Variants in EIF2AK2 observed in about 807,000 individuals in gnomAD.
EIF2AK2 encodes the protein interferon-induced, double-stranded RNA-activated protein kinase.
A neutral mutation model predicts 70.5 loss-of-function variants in EIF2AK2; 40 were observed. That is an observed-to-expected ratio of 0.57 (90% CI 0.44 to 0.74). The LOEUF is 0.74. Among genes scored for constraint, EIF2AK2 ranks in the 30% least tolerant of loss-of-function variants. The pLI is 0.00. For synonymous variants in EIF2AK2, 198 were observed against 220.9 expected (o/e 0.90, Z 0.92); for missense variants, 555 against 644.3 (o/e 0.86, Z 1.50).
chr2:37,146,105 T>G (rs1675528683), intron 4 of EIF2AK2, among the ~76,000 whole-genome samples: 1 of 152,124 alleles, frequency 6.6e-6, no homozygotes, highest in Non-Finnish European at 1.5e-5. Context: ...TTTAGATATG[T>G]TTAGATACAT....
chr2:37,110,917 A>T (rs990114138), intron 14 of EIF2AK2, among the ~76,000 whole-genome samples: 1 of 152,252 alleles, frequency 6.6e-6, no homozygotes, highest in Non-Finnish European at 1.5e-5. Context: ...GTGTCCATTG[A>T]TGGATAAAAG....
rs767770189 is a variant in EIF2AK2, at chr2:37,107,197, T to C, written c.*76A>G. 7 of 1,514,310 alleles carry C rather than the reference T, an allele frequency of 4.6e-6. No homozygotes were observed. Among genetic ancestry groups the C allele is most frequent in the Middle Eastern group, 1.8e-4 (1 of 5,684 alleles). The allele number at this position is 1,514,310 out of a possible 1,614,324, so 93.8% of individuals were successfully genotyped here. On this transcript the variant is annotated 3_prime_UTR_variant, in exon 17 of 17. Transcript: ENST00000233057. The stretch of plus-strand genomic sequence containing the variant: ...CATTAAAATAAAAGGTAAATATCTA[T>C]TGATATTCCCTAGCAGATTTTAGAT...
At chr2:37,142,268 C>T (rs550037965) in intron 4 of EIF2AK2, among the ~76,000 whole-genome samples, 2 of 152,132 alleles carry the variant, frequency 1.3e-5, no homozygotes, top group Middle Eastern at 3.4e-3. Context: ...GCACCTGGAA[C>T]TACAGGCACA....
chr2:37,139,189 C>A (rs1215296288), intron 6 of EIF2AK2, among the ~76,000 whole-genome samples: 1 of 151,666 alleles, frequency 6.6e-6, no homozygotes, highest in African/African-American at 2.4e-5. Context: ...GTAGCAGGCG[C>A]TTGTAGTCCC....
chr2:37,141,530 A>C, intron 5 of EIF2AK2, 23 bp downstream of exon 5: 1 of 1,601,556 alleles, frequency 6.2e-7, no homozygotes, highest in Non-Finnish European at 8.5e-7. Context: ...TGAAACAGAA[A>C]GAAAAGCCAA....
chr2:37,105,611 T>G lies in EIF2AK2; in HGVS notation c.*1662A>C, dbSNP rs189451529. The stretch of plus-strand genomic sequence containing the variant: ...CTCTTTTCCTTATAAATTATCCAGC[T>G]TCAAGTATCCATTTAAACCAATAAG... On this transcript the variant is annotated 3_prime_UTR_variant, in exon 17 of 17. Transcript: ENST00000233057. 2 of 152,184 alleles carry G rather than the reference T, an allele frequency of 1.3e-5. No homozygotes were observed. The highest frequency in any genetic ancestry group is 2.4e-5 in the African/African-American group (1 of 41,430). The allele number at this position is 152,184 out of a possible 1,614,324, so 9.4% of individuals were successfully genotyped here. A position where few individuals can be genotyped will look rare whatever the true frequency, so the allele number is the denominator to read the frequency against.
At position 37,138,735 on chromosome 2, in the gene EIF2AK2, G is replaced by A. The variant is rs1376766187; in HGVS notation, c.517-150C>T. ...ACAAGATTAATAACATTTTTTGGAT[G>A]TTTGGTCTGGATTTTATTTTATTTT... On this transcript the variant is annotated intron_variant, in intron 6 of 16. Transcript: ENST00000233057. 6.0e-6 allele frequency: 4 copies of A among 670,212 alleles called. No individual in the cohort carries two copies. The South Asian group carries it at 6.4e-5, about 11-fold the overall frequency. The allele number at this position is 670,212 out of a possible 1,614,324, so 41.5% of individuals were successfully genotyped here.
Position 37,101,789 on chromosome 2 carries a change from T to C in EIF2AK2, c.*5484A>G, listed in dbSNP as rs894573308. On this transcript the variant is annotated 3_prime_UTR_variant, in exon 17 of 17. Transcript: ENST00000233057. ...TAGATTTCAACAACCAAGAAAACTG[T>C]ATTTTTGAGATAGAAACAATACAGA... The C allele has an allele frequency of 6.6e-5, 10 of 152,208 alleles. No homozygotes were observed. The highest frequency in any genetic ancestry group is 5.9e-4 in the Admixed American group (9 of 15,284). The allele number at this position is 152,208 out of a possible 1,614,324, so 9.4% of individuals were successfully genotyped here. A position where few individuals can be genotyped will look rare whatever the true frequency, so the allele number is the denominator to read the frequency against.
chr2:37,149,145 C>A, intron 1 of EIF2AK2, 122 bp from the exon 2 acceptor site: 1 of 943,260 alleles, frequency 1.1e-6, no homozygotes, highest in Non-Finnish European at 1.8e-6. Context: ...TGGGATGGAC[C>A]TCGATGCCTC....
At chr2:37,154,701 C>CAG (rs1675861575) in intron 1 of EIF2AK2, among the ~76,000 whole-genome samples, 1 of 152,044 alleles carries the variant, frequency 6.6e-6, no homozygotes, top group Non-Finnish European at 1.5e-5. Flanking sequence ...GCTGGGATTA[C>CAG]AGGCGCCCAC....
At chr2:37,150,595 AG>A (rs1204258435) in intron 1 of EIF2AK2, among the ~76,000 whole-genome samples, 2 of 152,196 alleles carry the variant, frequency 1.3e-5, no homozygotes, top group African/African-American at 4.8e-5. Flanking sequence ...GACCGCTTGT[AG>A]CCGGGAACAA....
intron 13 of EIF2AK2, among the ~76,000 whole-genome samples, chr2:37,116,247 T>C (rs1037271182): frequency 6.6e-6 from 1 of 151,842 alleles, no homozygotes; most frequent in Non-Finnish European, 1.5e-5. Context: ...TGAGACAGTG[T>C]CTCATTTTGT....
At chr2:37,148,433 C>T (rs1675630212) in intron 2 of EIF2AK2, 2 of 384,772 alleles carry the variant, frequency 5.2e-6, no homozygotes, top group East Asian at 5.5e-5. Context: ...TGGATCCTGC[C>T]GGAAGCCAGG....
chr2:37,136,817 A>C (rs1675142960), intron 9 of EIF2AK2, 166 bp downstream of exon 9: 1 of 578,782 alleles, frequency 1.7e-6, no homozygotes, highest in Non-Finnish European at 2.9e-6. Context: ...ACATAGTCAA[A>C]GATTTCTCGA....
chr2:37,156,415 G>A (rs997048494), intron 1 of EIF2AK2, among the ~76,000 whole-genome samples: 4 of 152,158 alleles, frequency 2.6e-5, no homozygotes, highest in Non-Finnish European at 2.9e-5. Context: ...GAGGTTCAGG[G>A]GTGAGGATAC....
At chr2:37,156,509 A>C (rs1201087537) in intron 1 of EIF2AK2, among the ~76,000 whole-genome samples, 1 of 152,218 alleles carries the variant, frequency 6.6e-6, no homozygotes, top group Non-Finnish European at 1.5e-5. Context: ...AAGATTGTTC[A>C]GCCAGTCTAT....
intron 10 of EIF2AK2, among the ~76,000 whole-genome samples, chr2:37,126,689 G>T (rs4648209): frequency 0.037 from 5,690 of 152,060 alleles, 150 homozygotes; most frequent in Middle Eastern, 0.054. Context: ...AGGTGCCATG[G>T]CTCATGCCCG....
chr2:37,153,151 G>A (rs911657487), intron 1 of EIF2AK2, among the ~76,000 whole-genome samples: 3 of 151,538 alleles, frequency 2.0e-5, no homozygotes, highest in African/African-American at 7.3e-5. Flanking sequence ...TTAAAATTGT[G>A]ATAAAATACA....
rs776281435 is a variant in EIF2AK2 at position 37,114,834 on chromosome 2, G to C, written c.1274C>G (p.Thr425Arg). Residue 425 changes from threonine (T) to arginine (R), a missense_variant, in exon 14 of 17, where the codon ACA becomes AGA. Physicochemically the swap from Thr to Arg is moderately conservative, Grantham distance 71. Around this residue, in one of 3 missense-constraint regions of EIF2AK2, gnomAD observed 299 missense variants for 375.4 expected, o/e 0.80. Transcript: ENST00000233057. Reference protein sequence around the residue: ...LKPSNIFLVDTKQVKIGDFGL... With the variant: ...LKPSNIFLVDRKQVKIGDFGL... ...AAAGTCTCCAATCTTTACTTGTTTT[G>C]TATCTACTAAGAATATATTACTTGG... is the stretch of plus-strand genomic sequence containing the variant. 39 of 1,584,184 alleles carry C rather than the reference G, an allele frequency of 2.5e-5. No individual in the cohort carries two copies. Among genetic ancestry groups the C allele is most frequent in the Non-Finnish European group, 3.3e-5 (39 of 1,166,792 alleles).
Sources: allele counts gnomAD v4.1 joint callset (sites outside exome capture counted in the v4.1 genomes callset), GRCh38; gene constraint gnomAD v4.1.1; regional missense constraint gnomAD v4.1.1; transcripts MANE v1.5; gene names NCBI Gene and HGNC (gene_info 2026-07-23, HGNC 2026-07-21).